CNTNAP4: variants seen among roughly 807,000 people sequenced by gnomAD.
CNTNAP4 encodes contactin-associated protein-like 4.
CNTNAP4 carries 98 observed loss-of-function variants against 148.4 expected under a neutral mutation model. The ratio of observed to expected loss-of-function variants is 0.66; its 90% CI spans 0.56 to 0.78. CNTNAP4 has a LOEUF of 0.78. CNTNAP4 is among the 30% of genes least tolerant of loss of function. The probability of loss-of-function intolerance (pLI) is 0.00; values close to 1 mark genes in which losing one functional copy is unlikely to be tolerated. For synonymous variants in CNTNAP4, 730 were observed against 565.1 expected (o/e 1.29, Z -4.14); for missense variants, 1,935 against 1,565.6 (o/e 1.24, Z -3.98).
At chr16:76,395,469 G>C (rs1020649963) in intron 3 of CNTNAP4, among the ~76,000 whole-genome samples, 5 of 151,934 alleles carry the variant, frequency 3.3e-5, no homozygotes, top group Non-Finnish European at 5.9e-5. Flanking sequence ...GTTTCACCAT[G>C]TTGGCAGGCT....
chr16:76,560,566 G>A lies in CNTNAP4; in HGVS notation c.*1883G>A, dbSNP rs1264642855. 1.3e-5 allele frequency among the ~76,000 whole-genome samples: 2 copies of A among 152,052 alleles called. No individual in the cohort carries two copies. Among genetic ancestry groups the A allele is most frequent in the African/African-American group, 2.4e-5 (1 of 41,410 alleles). ...GCAGATGTTCATGTTATTTAGTAGC[G>A]GTATTAACCTCATTGGTAGCTGAAC... On this transcript the variant is annotated 3_prime_UTR_variant, in exon 24 of 24. Transcript: ENST00000611870.
At chr16:76,454,768 A>G (rs1441154658) in intron 8 of CNTNAP4, among the ~76,000 whole-genome samples, 3 of 152,174 alleles carry the variant, frequency 2.0e-5, no homozygotes, top group African/African-American at 7.2e-5. Flanking sequence ...AGTTGTCAGG[A>G]TGTATTATAA....
chr16:76,331,623 A>G (rs976893626), intron 2 of CNTNAP4, among the ~76,000 whole-genome samples: 1 of 151,848 alleles, frequency 6.6e-6, no homozygotes, highest in Non-Finnish European at 1.5e-5. Context: ...CTACTTTTGT[A>G]TCGCTTTGTC....
intron 4 of CNTNAP4, among the ~76,000 whole-genome samples, chr16:76,430,138 T>C (rs1163758743): frequency 6.6e-6 from 1 of 152,206 alleles, no homozygotes; most frequent in East Asian, 1.9e-4. Flanking sequence ...GTTCATAGCA[T>C]TGGCATTGCA....
chr16:76,341,679 G>T (rs2144353579), intron 2 of CNTNAP4, among the ~76,000 whole-genome samples: 1 of 152,250 alleles, frequency 6.6e-6, no homozygotes, highest in South Asian at 2.1e-4. Flanking sequence ...TTCAGGATTT[G>T]GGATATGGCT....
intron 8 of CNTNAP4, among the ~76,000 whole-genome samples, chr16:76,460,082 G>A (rs1297520470): frequency 1.3e-5 from 2 of 151,864 alleles, no homozygotes; most frequent in African/African-American, 4.8e-5. Flanking sequence ...CTTTTTATTT[G>A]TTTCTTTTTA....
intron 3 of CNTNAP4, among the ~76,000 whole-genome samples, chr16:76,427,118 G>C (rs2079432954): frequency 6.6e-6 from 1 of 152,018 alleles, no homozygotes; most frequent in Middle Eastern, 3.2e-3. Flanking sequence ...TTTTTTTGGT[G>C]CTATTCACAA....
intron 13 of CNTNAP4, among the ~76,000 whole-genome samples, chr16:76,492,164 A>G (rs775749783): frequency 4.6e-5 from 7 of 152,162 alleles, no homozygotes; most frequent in African/African-American, 1.2e-4. Flanking sequence ...TAAGATGAAT[A>G]TATTCTGGAG....
At chr16:76,403,531 A>C (rs2144859324) in intron 3 of CNTNAP4, among the ~76,000 whole-genome samples, 1 of 152,340 alleles carries the variant, frequency 6.6e-6, no homozygotes, top group South Asian at 2.1e-4. Context: ...GCTATTATTA[A>C]AAAGTTAAAA....
chr16:76,328,834 G>A (rs1376878024), intron 2 of CNTNAP4, among the ~76,000 whole-genome samples: 8 of 152,030 alleles, frequency 5.3e-5, no homozygotes, highest in Non-Finnish European at 8.8e-5. Context: ...TAGTAGAGAC[G>A]GGGTTTCTCC....
chr16:76,518,961 C>T (rs1297412617), intron 15 of CNTNAP4, among the ~76,000 whole-genome samples: 2 of 152,152 alleles, frequency 1.3e-5, no homozygotes, highest in African/African-American at 4.8e-5. Flanking sequence ...GCCTGCAGCT[C>T]CTGCTGCTGC....
At chr16:76,314,598 G>A (rs1394067171) in intron 1 of CNTNAP4, among the ~76,000 whole-genome samples, 1 of 152,170 alleles carries the variant, frequency 6.6e-6, no homozygotes, top group Non-Finnish European at 1.5e-5. Context: ...GGATGCTTTT[G>A]TTCTCAAATT....
intron 3 of CNTNAP4, among the ~76,000 whole-genome samples, chr16:76,362,598 C>T (rs903634463): frequency 2.6e-5 from 4 of 152,194 alleles, no homozygotes; most frequent in African/African-American, 9.6e-5. Flanking sequence ...CAGAAATAAA[C>T]CCATACATCT....
rs960616346 is a variant in CNTNAP4, at chr16:76,369,120, G to A, written c.390+13609G>A. On this transcript the variant is annotated intron_variant, in intron 3 of 23. Transcript: ENST00000611870. ...AAAAATGATATATAAATATATAAAA[G>A]TATCTTCAACCTCATTCAAAATAGA... is the stretch of plus-strand genomic sequence containing the variant. 7.3e-5 allele frequency among the ~76,000 whole-genome samples: 11 copies of A among 150,694 alleles called. No individual in the cohort carries two copies. The East Asian group carries it at 1.9e-3, about 27-fold the overall frequency.
chr16:76,385,217 A>G (rs9319497), intron 3 of CNTNAP4, among the ~76,000 whole-genome samples: 81,631 of 152,018 alleles, frequency 0.54, 23,279 homozygotes, highest in East Asian at 0.88. Context: ...GAGCTATGTG[A>G]TAAGTACAGC....
chr16:76,378,430 A>G (rs1216761598), intron 3 of CNTNAP4, among the ~76,000 whole-genome samples: 2 of 152,164 alleles, frequency 1.3e-5, no homozygotes, highest in Non-Finnish European at 2.9e-5. Context: ...ATGGAGTTGA[A>G]GAAGGTGACA....
chr16:76,507,221 A>G lies in CNTNAP4; in HGVS notation c.2365+8527A>G, dbSNP rs1269230061. 1.3e-4 allele frequency among the ~76,000 whole-genome samples: 13 copies of G among 97,540 alleles called. 5 individuals carry two copies. Among genetic ancestry groups the G allele is most frequent in the Non-Finnish European group, 3.2e-4 (11 of 34,282 alleles). 64.0% of individuals were successfully genotyped at this position (97,540 alleles called of 152,430 possible). On this transcript the variant is annotated intron_variant, in intron 15 of 23. Transcript: ENST00000611870. ...TTAAGCATTTATCCTTTGTGTTACA[A>G]ATAATCTAATTATACTATTTTTGTT...
chr16:76,310,160 TG>T (rs753427448), intron 1 of CNTNAP4, among the ~76,000 whole-genome samples: 2 of 152,096 alleles, frequency 1.3e-5, no homozygotes, highest in Non-Finnish European at 2.9e-5. Context: ...AGTCTCTCGT[TG>T]GGCAGGAAAC....
At chr16:76,374,717 A>G (rs1055637050) in intron 3 of CNTNAP4, among the ~76,000 whole-genome samples, 4 of 150,556 alleles carry the variant, frequency 2.7e-5, no homozygotes, top group Non-Finnish European at 4.4e-5. Flanking sequence ...TCTAAGTTGA[A>G]TAAAGTATAT....
Sources: allele counts gnomAD v4.1 joint callset (sites outside exome capture counted in the v4.1 genomes callset), GRCh38; gene constraint gnomAD v4.1.1; transcripts MANE v1.5; gene names NCBI Gene and HGNC (gene_info 2026-07-23, HGNC 2026-07-21).